Variants in COPS4 observed in about 807,000 individuals in gnomAD.
The protein encoded by COPS4 is COP9 signalosome subunit 4, also known as COP9 signalosome complex subunit 4.
A neutral mutation model predicts 55.1 loss-of-function variants in COPS4; 8 were observed. That is an observed-to-expected ratio of 0.15 (90% CI 0.09 to 0.26). The LOEUF is 0.26. Among genes scored for constraint, COPS4 ranks in the 10% least tolerant of loss-of-function variants. The pLI, the probability that COPS4 is intolerant of heterozygous loss-of-function variation, is 1.00. For missense variants in COPS4, 248 were observed against 484.0 expected, an observed-to-expected ratio of 0.51 and a Z score of 4.58; for synonymous variants, 185 against 165.7, an observed-to-expected ratio of 1.12 and a Z score of -0.90.
In COPS4 at chr4:83,035,242, A is replaced by G; in HGVS notation, c.18A>G (p.Arg6=). The G allele has an allele frequency of 6.4e-7, 1 of 1,572,848 alleles. No individual in the cohort carries two copies. The highest frequency in any genetic ancestry group is 1.1e-5 in the South Asian group (1 of 89,968). ...GGAGAAAGATGGCGGCAGCCGTGCGACAGGATTTGGCCCAGCTCATGAATT... is the reference window on the plus strand; with the variant it reads ...GGAGAAAGATGGCGGCAGCCGTGCGGCAGGATTTGGCCCAGCTCATGAATT... MAAAV[R]QDLAQLMNSS... Residue 6 remains arginine (R), a synonymous_variant, in exon 1 of 10, where the codon CGA becomes CGG. Transcript: ENST00000264389.
chr4:83,061,044 A>T (rs1188646300), intron 6 of COPS4, among the ~76,000 whole-genome samples: 2 of 150,736 alleles, frequency 1.3e-5, no homozygotes, highest in Non-Finnish European at 1.5e-5. Context: ...CAAAAAAAAA[A>T]TAATAATAAT....
chr4:83,057,352 G>C lies in COPS4; in HGVS notation c.659G>C (p.Ser220Thr). 6.2e-7 allele frequency: 1 copy of C among 1,613,330 alleles called. No homozygotes were observed. The highest frequency in any genetic ancestry group is 1.3e-5 in the African/African-American group (1 of 75,008). The change falls in exon 6 of 10, where the codon AGT (serine) becomes ACT (threonine). Residue 220 changes from serine to threonine, a missense_variant. Ser to Thr is a moderately conservative substitution (Grantham distance 58). Transcript: ENST00000264389. Reference protein sequence around the residue: ...ELSYKTIVHESERLEALKHAL... With the variant: ...ELSYKTIVHETERLEALKHAL... ...TCTTACAAGACAATAGTCCACGAAA[G>C]TGAAAGACTAGAGGCCTTAAAACAT...
chr4:83,050,028 T>A, intron 4 of COPS4, 44 bp downstream of exon 4: 1 of 1,143,970 alleles, frequency 8.7e-7, no homozygotes, highest in Non-Finnish European at 1.3e-6. Flanking sequence ...ATAGGATGTA[T>A]ATAATTGCTC....
chr4:83,057,774 T>C (rs1464609977), intron 6 of COPS4, among the ~76,000 whole-genome samples: 5 of 151,580 alleles, frequency 3.3e-5, no homozygotes, highest in South Asian at 2.1e-4. Flanking sequence ...TACAAAAAAT[T>C]AGCCGGGCGT....
intron 1 of COPS4, among the ~76,000 whole-genome samples, chr4:83,043,501 A>G (rs1255938345): frequency 7.3e-6 from 1 of 136,448 alleles, no homozygotes; most frequent in East Asian, 2.4e-4. Flanking sequence ...CCTGGGCGAC[A>G]GAGTGAGACC....
intron 2 of COPS4, among the ~76,000 whole-genome samples, chr4:83,047,861 C>T (rs572268467): frequency 3.9e-5 from 6 of 151,984 alleles, no homozygotes; most frequent in East Asian, 1.9e-4. Flanking sequence ...ATCAGCTGGG[C>T]GTGGTGGCGG....
intron 4 of COPS4, among the ~76,000 whole-genome samples, chr4:83,054,907 T>A (rs1730978841): frequency 6.6e-6 from 1 of 152,214 alleles, no homozygotes; most frequent in Non-Finnish European, 1.5e-5. Context: ...ATTATGAAAG[T>A]AATCGATATA....
intron 9 of COPS4, 110 bp from the exon 10 acceptor site, chr4:83,075,187 G>T: frequency 4.5e-6 from 4 of 886,964 alleles, no homozygotes; most frequent in South Asian, 1.8e-5. Context: ...TATTTAAAAG[G>T]AACATGCCTC....
chr4:83,066,238 A>G (rs1731289604), intron 7 of COPS4, among the ~76,000 whole-genome samples, 200 bp from the exon 8 acceptor site: 1 of 152,346 alleles, frequency 6.6e-6, no homozygotes, highest in South Asian at 2.1e-4. Flanking sequence ...TTACTTGCCA[A>G]TCACTCATTT....
chr4:83,072,746 T>G (rs927008350), intron 9 of COPS4, among the ~76,000 whole-genome samples: 3 of 152,226 alleles, frequency 2.0e-5, no homozygotes, highest in African/African-American at 7.2e-5. Flanking sequence ...TCTGATTAGG[T>G]TCCACATATA....
chr4:83,055,258 A>G (rs1014881766), intron 4 of COPS4, among the ~76,000 whole-genome samples: 1 of 152,220 alleles, frequency 6.6e-6, no homozygotes, highest in Non-Finnish European at 1.5e-5. Context: ...CTGGCATAAA[A>G]TGTGACCACT....
At chr4:83,063,486 C>A (rs1731219072) in intron 7 of COPS4, among the ~76,000 whole-genome samples, 1 of 150,716 alleles carries the variant, frequency 6.6e-6, no homozygotes, top group Non-Finnish European at 1.5e-5. Context: ...CGGCTCACTG[C>A]AAACTCTACC....
intron 4 of COPS4, among the ~76,000 whole-genome samples, chr4:83,055,391 T>C (rs1730988666): frequency 6.6e-6 from 1 of 152,146 alleles, no homozygotes; most frequent in African/African-American, 2.4e-5. Context: ...TTTTATCCAG[T>C]TTTTTCATTT....
chr4:83,073,350 G>A, intron 9 of COPS4: 1 of 649,480 alleles, frequency 1.5e-6, no homozygotes, highest in Non-Finnish European at 2.8e-6. Context: ...CCATGTCATG[G>A]CAGGTAATCA....
At chr4:83,064,869 C>CTTTTTTTTT (rs140166684) in intron 7 of COPS4, among the ~76,000 whole-genome samples, 11 of 73,628 alleles carry the variant, frequency 1.5e-4, no homozygotes, top group South Asian at 7.4e-4. Flanking sequence ...TAAGCAGTCC[C>CTTTTTTTTT]TTTTTTTTTT....
intron 1 of COPS4, among the ~76,000 whole-genome samples, chr4:83,044,566 G>T (rs1027190122): frequency 2.2e-4 from 33 of 151,676 alleles, no homozygotes; most frequent in Non-Finnish European, 4.3e-4. Flanking sequence ...TCATGAGGTC[G>T]GGAGTTTGAG....
At chr4:83,050,820 T>A (rs1313462424) in intron 4 of COPS4, among the ~76,000 whole-genome samples, 1 of 152,112 alleles carries the variant, frequency 6.6e-6, no homozygotes, top group Non-Finnish European at 1.5e-5. Context: ...GAATTTGGCT[T>A]TTCACTAAGT....
chr4:83,061,675 G>C (rs1334401666), intron 6 of COPS4, among the ~76,000 whole-genome samples: 1 of 150,440 alleles, frequency 6.6e-6, no homozygotes, highest in African/African-American at 2.4e-5. Context: ...TACTCTTTTT[G>C]ATGTTTAAAT....
At chr4:83,066,864 CTTTG>C (rs934815431) in intron 8 of COPS4, among the ~76,000 whole-genome samples, 2 of 152,134 alleles carry the variant, frequency 1.3e-5, no homozygotes, top group South Asian at 2.1e-4. Flanking sequence ...CTGAGAATGT[CTTTG>C]TTTGGTGTCT....
Sources: gnomAD v4.1 joint callset for allele counts (sites outside exome capture counted in the v4.1 genomes callset) on GRCh38, gnomAD v4.1.1 for gene constraint, MANE v1.5 for transcripts, NCBI Gene and HGNC (gene_info 2026-07-23, HGNC 2026-07-21) for gene names.